ANKS1B: variants seen among roughly 807,000 people sequenced by gnomAD.
The protein encoded by ANKS1B is ankyrin repeat and sterile alpha motif domain containing 1B.
ANKS1B carries 36 observed loss-of-function variants against 148.3 expected under a neutral mutation model. That is an observed-to-expected ratio of 0.24 (90% CI 0.19 to 0.32). The LOEUF is 0.32. Ranked by LOEUF, ANKS1B falls within the 10% of genes least tolerant of loss-of-function variation. The pLI, the probability that ANKS1B is intolerant of heterozygous loss-of-function variation, is 1.00. For missense variants in ANKS1B, 1,157 were observed against 1,542.6 expected (o/e 0.75, Z 4.19); for synonymous variants, 542 against 560.8 (o/e 0.97, Z 0.47).
At chr12:99,387,556 C>A (rs995215019) in intron 12 of ANKS1B, among the ~76,000 whole-genome samples, 1 of 151,742 alleles carries the variant, frequency 6.6e-6, no homozygotes, top group Non-Finnish European at 1.5e-5. Flanking sequence ...GCGGAGATTG[C>A]GGCCACTCCG....
At chr12:99,971,008 G>A (rs2095550889) in intron 1 of ANKS1B, among the ~76,000 whole-genome samples, 2 of 151,130 alleles carry the variant, frequency 1.3e-5, no homozygotes, top group South Asian at 4.2e-4. Flanking sequence ...GCAAATACTT[G>A]TTAAAATAAG....
intron 23 of ANKS1B, among the ~76,000 whole-genome samples, 152 bp downstream of exon 23, chr12:98,781,974 G>A (rs79831132): frequency 0.03 from 4,502 of 152,256 alleles, 120 homozygotes; most frequent in Non-Finnish European, 0.04. Context: ...AGCTTGTACA[G>A]TTTTATGCAT....
chr12:99,621,710 C>T (rs2098053353), intron 9 of ANKS1B, among the ~76,000 whole-genome samples: 1 of 151,954 alleles, frequency 6.6e-6, no homozygotes, highest in East Asian at 1.9e-4. Context: ...ACTTAACTAT[C>T]CTAGATATAT....
chr12:99,021,794 T>C (rs550281456), intron 17 of ANKS1B, among the ~76,000 whole-genome samples: 4 of 152,348 alleles, frequency 2.6e-5, no homozygotes, highest in African/African-American at 9.6e-5. Flanking sequence ...TATGAGAGTT[T>C]CTGCTTTGGC....
intron 14 of ANKS1B, among the ~76,000 whole-genome samples, chr12:99,225,998 T>C (rs2085873279): frequency 6.6e-6 from 1 of 152,242 alleles, no homozygotes; most frequent in Non-Finnish European, 1.5e-5. Flanking sequence ...TTTTATACTA[T>C]CTAGTTCATA....
chr12:99,679,471 A>G (rs1340311186), intron 8 of ANKS1B, among the ~76,000 whole-genome samples: 1 of 151,946 alleles, frequency 6.6e-6, no homozygotes, highest in Admixed American at 6.6e-5. Flanking sequence ...ACACACCCAG[A>G]TAATTTTTTT....
rs374722016 is a variant in ANKS1B, at chr12:98,955,360, C to T, written c.2778+97797G>A. Among the ~76,000 whole-genome samples the T allele has an allele frequency of 2.1e-4, 32 of 152,212 alleles. No homozygotes were observed. In the East Asian group the frequency reaches 4.4e-3, roughly 21 times the overall value. On this transcript the variant is annotated intron_variant, in intron 17 of 26. Transcript: ENST00000683438. Reference sequence around the variant, plus strand: ...GGTACAGGGCTGAGGTGGGCATGAACAGGGAAGAGTAAGAACGGTCTTTTG... The same window carrying T: ...GGTACAGGGCTGAGGTGGGCATGAATAGGGAAGAGTAAGAACGGTCTTTTG...
Position 99,430,550 on chromosome 12 carries a change from A to G in ANKS1B, c.1575+13123T>C, listed in dbSNP as rs143176625. Among the ~76,000 whole-genome samples, 166 of 152,326 alleles carry G rather than the reference A, an allele frequency of 1.1e-3. 2 individuals are homozygous for G. The highest frequency in any genetic ancestry group is 3.8e-3 in the African/African-American group (156 of 41,576). On this transcript the variant is annotated intron_variant, in intron 11 of 26. Coordinates refer to ENST00000683438, the MANE Select transcript of ANKS1B (RefSeq NM_001352186.2). Reference sequence around the variant, plus strand: ...GGATGAACTTCTATTCTCTGGCTTCATGTTTCCACAAGAAGGGAATACCAT... The same window carrying G: ...GGATGAACTTCTATTCTCTGGCTTCGTGTTTCCACAAGAAGGGAATACCAT...
chr12:99,882,416 G>C (rs562456468), intron 1 of ANKS1B, among the ~76,000 whole-genome samples: 15 of 152,286 alleles, frequency 9.8e-5, no homozygotes, highest in African/African-American at 2.6e-4. Flanking sequence ...AAAAAGTTCA[G>C]TGAACTCCAA....
intron 9 of ANKS1B, among the ~76,000 whole-genome samples, chr12:99,573,097 T>A (rs565931490): frequency 3.9e-5 from 6 of 152,208 alleles, no homozygotes; most frequent in African/African-American, 1.4e-4. Flanking sequence ...GTTGTTAAGT[T>A]TCTCATCCTA....
intron 9 of ANKS1B, among the ~76,000 whole-genome samples, chr12:99,593,971 G>C (rs548291992): frequency 4.0e-5 from 6 of 151,606 alleles, no homozygotes; most frequent in Non-Finnish European, 5.9e-5. Context: ...TTTAATCTCC[G>C]TCTTGACAGA....
chr12:98,860,339 T>C (rs1359025766), intron 17 of ANKS1B, among the ~76,000 whole-genome samples: 1 of 152,236 alleles, frequency 6.6e-6, no homozygotes, highest in Non-Finnish European at 1.5e-5. Context: ...GAAAAAGTGC[T>C]ATTATTCTGG....
intron 9 of ANKS1B, among the ~76,000 whole-genome samples, chr12:99,517,192 A>G (rs1437717114): frequency 6.6e-6 from 1 of 152,100 alleles, no homozygotes; most frequent in East Asian, 1.9e-4. Context: ...AATTTCATTC[A>G]TCAGTATTTT....
In ANKS1B at chr12:98,840,418, G is replaced by C. The variant is rs73380449; in HGVS notation, c.2779-8282C>G. Reference sequence around the variant, plus strand: ...TGACAGATGCCACCGAAATACAACTGTACTAACCTATGGAAAGGAAAAGAG... The same window carrying C: ...TGACAGATGCCACCGAAATACAACTCTACTAACCTATGGAAAGGAAAAGAG... On this transcript the variant is annotated intron_variant, in intron 17 of 26. Coordinates refer to ENST00000683438, the MANE Select transcript of ANKS1B (RefSeq NM_001352186.2). Among the ~76,000 whole-genome samples the C allele has an allele frequency of 6.5e-3, 996 of 152,210 alleles. 12 individuals carry two copies. Among genetic ancestry groups the C allele is most frequent in the African/African-American group, 0.023 (969 of 41,530 alleles).
intron 17 of ANKS1B, among the ~76,000 whole-genome samples, chr12:99,040,336 A>G (rs1260155843): frequency 1.3e-5 from 2 of 151,996 alleles, no homozygotes; most frequent in Non-Finnish European, 2.9e-5. Context: ...AGCACGCCTC[A>G]TAAGTTGCAC....
intron 17 of ANKS1B, among the ~76,000 whole-genome samples, chr12:98,932,627 A>C (rs1407189853): frequency 2.0e-5 from 3 of 152,216 alleles, no homozygotes; most frequent in African/African-American, 7.2e-5. Flanking sequence ...AAATAACATC[A>C]AATGGAAGCA....
chr12:98,752,907 C>T (rs1018058848), intron 25 of ANKS1B, among the ~76,000 whole-genome samples: 5 of 152,164 alleles, frequency 3.3e-5, no homozygotes, highest in Admixed American at 6.5e-5. Flanking sequence ...TGAACATCTA[C>T]GAAACACAAT....
intron 17 of ANKS1B, among the ~76,000 whole-genome samples, chr12:98,962,571 G>A (rs989452414): frequency 3.9e-5 from 6 of 152,002 alleles, no homozygotes; most frequent in African/African-American, 1.4e-4. Context: ...AATATCAGAT[G>A]TAATCTGCAA....
intron 2 of ANKS1B, among the ~76,000 whole-genome samples, chr12:99,815,430 T>C (rs951641358): frequency 6.6e-6 from 1 of 151,834 alleles, no homozygotes; most frequent in Non-Finnish European, 1.5e-5. Flanking sequence ...TTTTTAAGTT[T>C]TGAAAAATGT....
Sources: allele counts gnomAD v4.1 joint callset (sites outside exome capture counted in the v4.1 genomes callset), GRCh38; gene constraint gnomAD v4.1.1; transcripts MANE v1.5; gene names NCBI Gene and HGNC (gene_info 2026-07-23, HGNC 2026-07-21).